Variants in IQUB observed in about 807,000 individuals in gnomAD.
IQUB encodes the protein IQ motif and ubiquitin-like domain-containing protein.
IQUB carries 86 observed loss-of-function variants against 86.4 expected under a neutral mutation model. The observed-to-expected ratio is 1.00, with a 90% CI of 0.84 to 1.19. The LOEUF (loss-of-function observed/expected upper bound fraction) is 1.19, where lower values mean the gene tolerates loss of function less well. Among genes scored for constraint, IQUB ranks in the 50% most tolerant of loss-of-function variants. IQUB has a pLI of 0.00. For synonymous variants in IQUB, 289 were observed against 304.5 expected (o/e 0.95, Z 0.53); for missense variants, 946 against 916.9 (o/e 1.03, Z -0.41).
intron 1 of IQUB, among the ~76,000 whole-genome samples, chr7:123,529,810 G>A (rs1246085489): frequency 1.3e-5 from 2 of 150,540 alleles, no homozygotes; most frequent in South Asian, 2.1e-4. Flanking sequence ...CTGAGCAGAC[G>A]GATCACAAGG....
At chr7:123,493,142 A>T (rs1795546796) in intron 7 of IQUB, among the ~76,000 whole-genome samples, 1 of 152,110 alleles carries the variant, frequency 6.6e-6, no homozygotes, top group Non-Finnish European at 1.5e-5. Context: ...ACCCCAGTCT[A>T]CCATCCTGGT....
chr7:123,530,319 C>T lies in IQUB; in HGVS notation c.-5+4173G>A, dbSNP rs562961026. Among the ~76,000 whole-genome samples, 37 of 151,558 alleles carry T rather than the reference C, an allele frequency of 2.4e-4. No homozygotes were observed. In the South Asian group the frequency reaches 7.1e-3, roughly 29 times the overall value. On this transcript the variant is annotated intron_variant, in intron 1 of 12. Transcript: ENST00000324698. Reference sequence around the variant, plus strand: ...GGCATGGTGGCAGGCACCTGTAGTCCCAGCTACTCGGGAAGCTGAGGCAGG... The same window carrying T: ...GGCATGGTGGCAGGCACCTGTAGTCTCAGCTACTCGGGAAGCTGAGGCAGG...
Position 123,469,387 on chromosome 7 carries a change from TA to T in IQUB, c.1411-4del. On this transcript the variant is annotated splice_region_variant and splice_polypyrimidine_tract_variant and intron_variant, in intron 8 of 12. Coordinates refer to ENST00000324698, the MANE Select transcript of IQUB (RefSeq NM_178827.5). Reference sequence around the variant, plus strand: ...CTCCATATTTTTGGAGCTGAACACTTAAAAATAATATTATGTTTATAATTAT... The same window carrying T: ...CTCCATATTTTTGGAGCTGAACACTTAAAATAATATTATGTTTATAATTAT... 1 of 1,520,312 alleles carries T rather than the reference TA, an allele frequency of 6.6e-7. No homozygotes were observed. Among genetic ancestry groups the T allele is most frequent in the Non-Finnish European group, 8.9e-7 (1 of 1,122,960 alleles). 94.2% of individuals were successfully genotyped at this position (1,520,312 alleles called of 1,614,324 possible).
chr7:123,465,442 G>GA (rs1229146537), intron 9 of IQUB, among the ~76,000 whole-genome samples: 5 of 151,940 alleles, frequency 3.3e-5, no homozygotes, highest in African/African-American at 4.8e-5. Context: ...AATTCGAAGG[G>GA]AAAAGAGGAC....
chr7:123,470,371 G>A (rs1298893271), intron 8 of IQUB, among the ~76,000 whole-genome samples: 3 of 152,150 alleles, frequency 2.0e-5, no homozygotes, highest in Non-Finnish European at 4.4e-5. Context: ...TCAAAAACAT[G>A]TTGGATGTTT....
At chr7:123,523,374 G>C (rs950503643) in intron 1 of IQUB, among the ~76,000 whole-genome samples, 1 of 148,684 alleles carries the variant, frequency 6.7e-6, no homozygotes, top group African/African-American at 2.5e-5. Context: ...GTTGTTTCCT[G>C]ACTTTTTAAT....
intron 11 of IQUB, 100 bp downstream of exon 11, chr7:123,461,257 T>G: frequency 8.4e-7 from 1 of 1,195,216 alleles, no homozygotes; most frequent in South Asian, 1.5e-5. Flanking sequence ...GAATAGAGAG[T>G]CATTAAACAA....
chr7:123,513,068 G>T (rs577222662), intron 1 of IQUB, among the ~76,000 whole-genome samples: 253 of 152,228 alleles, frequency 1.7e-3, no homozygotes, highest in African/African-American at 4.1e-3. Context: ...AGGGAAGGTA[G>T]CCCCCAGACC....
chr7:123,452,946 T>G, intron 12 of IQUB, 21 bp from the exon 13 acceptor site: 2 of 1,579,014 alleles, frequency 1.3e-6, no homozygotes, highest in East Asian at 4.5e-5. Context: ...AAAAATCAAA[T>G]TCTAGTAAAT....
chr7:123,496,117 G>A (rs1031447519), intron 7 of IQUB, among the ~76,000 whole-genome samples: 2 of 152,226 alleles, frequency 1.3e-5, no homozygotes, highest in East Asian at 1.9e-4. Flanking sequence ...AAGGGGAATC[G>A]TGTATCTACT....
At chr7:123,518,279 G>C (rs1584642894) in intron 1 of IQUB, among the ~76,000 whole-genome samples, 1 of 151,880 alleles carries the variant, frequency 6.6e-6, no homozygotes, top group African/African-American at 2.4e-5. Flanking sequence ...CAGTCTCTTA[G>C]CTGGTTATCT....
Position 123,457,362 on chromosome 7 carries a change from T to C in IQUB, c.2193+19A>G, listed in dbSNP as rs1322292384. The C allele has an allele frequency of 6.2e-7, 1 of 1,603,020 alleles. No individual in the cohort carries two copies. The highest frequency in any genetic ancestry group is 1.7e-5 in the Admixed American group (1 of 57,584). On this transcript the variant is annotated intron_variant, in intron 12 of 12. Transcript: ENST00000324698. ...CCAATGATTAAATTAACTTCCCAAATAAAATTCAACTTTCTTACCTCTTCA... is the reference window on the plus strand; with the variant it reads ...CCAATGATTAAATTAACTTCCCAAACAAAATTCAACTTTCTTACCTCTTCA...
At chr7:123,503,445 C>T (rs1303629980) in intron 3 of IQUB, 82 bp from the exon 4 acceptor site, 1 of 764,074 alleles carries the variant, frequency 1.3e-6, no homozygotes, top group African/African-American at 1.8e-5. Flanking sequence ...TTTTAATTGA[C>T]AAATAAAAAT....
At chr7:123,457,347 A>G in intron 12 of IQUB, 34 bp downstream of exon 12, 1 of 1,600,340 alleles carries the variant, frequency 6.2e-7, no homozygotes. Flanking sequence ...CCAATGATTA[A>G]ATTAACTTCC....
chr7:123,461,325 C>T (rs1419618272), intron 11 of IQUB, 32 bp downstream of exon 11: 1 of 1,569,464 alleles, frequency 6.4e-7, no homozygotes, highest in Non-Finnish European at 8.7e-7. Context: ...TGACAAGCTT[C>T]AGCTATAATT....
intron 8 of IQUB, among the ~76,000 whole-genome samples, chr7:123,478,747 C>A (rs1239497638): frequency 6.6e-6 from 1 of 152,002 alleles, no homozygotes; most frequent in African/African-American, 2.4e-5. Context: ...TCTGGAGCAA[C>A]CGAGTAGATG....
At chr7:123,477,036 C>A (rs934730063) in intron 8 of IQUB, among the ~76,000 whole-genome samples, 1 of 152,074 alleles carries the variant, frequency 6.6e-6, no homozygotes, top group Non-Finnish European at 1.5e-5. Context: ...CGATTCAATG[C>A]CATCCCCATC....
At chr7:123,513,722 C>T (rs1183951832) in intron 1 of IQUB, among the ~76,000 whole-genome samples, 1 of 152,144 alleles carries the variant, frequency 6.6e-6, no homozygotes, top group Non-Finnish European at 1.5e-5. Context: ...AATCTCGGCT[C>T]ACTGCAAACT....
intron 3 of IQUB, among the ~76,000 whole-genome samples, chr7:123,506,249 T>C (rs1288464405): frequency 6.6e-6 from 1 of 152,144 alleles, no homozygotes; most frequent in Admixed American, 6.5e-5. Context: ...CTCCAAACTT[T>C]CCCTCATCTT....
Sources: allele counts gnomAD v4.1 joint callset (sites outside exome capture counted in the v4.1 genomes callset), GRCh38; gene constraint gnomAD v4.1.1; transcripts MANE v1.5; gene names NCBI Gene and HGNC (gene_info 2026-07-23, HGNC 2026-07-21).